KCNMA1: variants seen among roughly 807,000 people sequenced by gnomAD.
KCNMA1 encodes Calcium-activated potassium channel subunit alpha-1.
A neutral mutation model predicts 140.0 loss-of-function variants in KCNMA1; 29 were observed. That is an observed-to-expected ratio of 0.21 (90% CI 0.15 to 0.28). The LOEUF (loss-of-function observed/expected upper bound fraction) is 0.28. Among genes scored for constraint, KCNMA1 ranks in the 10% least tolerant of loss-of-function variants. The pLI, the probability that KCNMA1 is intolerant of heterozygous loss-of-function variation, is 1.00. For synonymous variants in KCNMA1, 612 were observed against 611.9 expected, an observed-to-expected ratio of 1.00 and a Z score of 0.00; for missense variants, 880 against 1,602.2, an observed-to-expected ratio of 0.55 and a Z score of 7.70.
intron 19 of KCNMA1, among the ~76,000 whole-genome samples, chr10:76,973,725 TG>T (rs1244857481): frequency 6.6e-6 from 1 of 152,220 alleles, no homozygotes; most frequent in African/African-American, 2.4e-5. Flanking sequence ...GCCAGAACTC[TG>T]GGCTTACTTC....
At chr10:77,623,188 C>T (rs1444617925) in intron 1 of KCNMA1, among the ~76,000 whole-genome samples, 1 of 152,156 alleles carries the variant, frequency 6.6e-6, no homozygotes, top group Non-Finnish European at 1.5e-5. Flanking sequence ...AGTTTCCATG[C>T]AACTTAGGAG....
intron 3 of KCNMA1, among the ~76,000 whole-genome samples, chr10:77,198,612 A>C (rs899066846): frequency 2.1e-5 from 3 of 145,152 alleles, no homozygotes; most frequent in African/African-American, 7.5e-5. Context: ...CATTTCTCTT[A>C]AAGGAGTAAT....
At chr10:76,891,429 G>A (rs1834587469) in intron 26 of KCNMA1, 96 bp downstream of exon 26, 5 of 917,792 alleles carry the variant, frequency 5.4e-6, no homozygotes, top group Non-Finnish European at 6.9e-6. Flanking sequence ...AAGGAGAAAA[G>A]CCAGATGCCT....
chr10:77,000,041 G>T (rs1565456446), intron 19 of KCNMA1, among the ~76,000 whole-genome samples: 1 of 152,150 alleles, frequency 6.6e-6, no homozygotes, highest in Admixed American at 6.5e-5. Context: ...ACCAGCACAG[G>T]GGAGTCAAGC....
At chr10:76,932,590 C>T (rs1448022455) in intron 23 of KCNMA1, among the ~76,000 whole-genome samples, 3 of 152,042 alleles carry the variant, frequency 2.0e-5, no homozygotes, top group South Asian at 2.1e-4. Context: ...ACTGATCCCT[C>T]GGTGTTTTGG....
At chr10:77,238,271 T>C (rs1008941915) in intron 3 of KCNMA1, among the ~76,000 whole-genome samples, 9 of 152,158 alleles carry the variant, frequency 5.9e-5, no homozygotes, top group Non-Finnish European at 8.8e-5. Context: ...TGGCAGCTTT[T>C]GCATCTGTTT....
At chr10:77,126,686 G>C (rs183276558) in intron 5 of KCNMA1, among the ~76,000 whole-genome samples, 1 of 151,658 alleles carries the variant, frequency 6.6e-6, no homozygotes. Flanking sequence ...CTCACCTGGG[G>C]CTACATCCCC....
intron 1 of KCNMA1, among the ~76,000 whole-genome samples, chr10:77,440,092 A>G (rs2097363772): frequency 6.6e-6 from 1 of 152,178 alleles, no homozygotes; most frequent in Non-Finnish European, 1.5e-5. Context: ...TGTGACCTTA[A>G]GAAACCTTCC....
At chr10:77,267,974 C>A (rs1407873500) in intron 2 of KCNMA1, among the ~76,000 whole-genome samples, 1 of 152,112 alleles carries the variant, frequency 6.6e-6, no homozygotes, top group Non-Finnish European at 1.5e-5. Context: ...GACAGTAGAC[C>A]CTGCCAAGTG....
At chr10:77,231,877 ACAAT>A (rs1448458928) in intron 3 of KCNMA1, among the ~76,000 whole-genome samples, 3 of 152,210 alleles carry the variant, frequency 2.0e-5, no homozygotes, top group Non-Finnish European at 4.4e-5. Context: ...ATTCAATGGG[ACAAT>A]CAATTTTAAA....
At chr10:77,232,759 C>T (rs561656532) in intron 3 of KCNMA1, among the ~76,000 whole-genome samples, 6 of 152,216 alleles carry the variant, frequency 3.9e-5, no homozygotes, top group South Asian at 2.1e-4. Context: ...AGGTCTACCC[C>T]GTCTTCTCTC....
chr10:77,349,126 C>T (rs1271768287), intron 2 of KCNMA1, among the ~76,000 whole-genome samples: 2 of 152,200 alleles, frequency 1.3e-5, no homozygotes, highest in Non-Finnish European at 2.9e-5. Context: ...TACGTTGAAA[C>T]CTCATCACCA....
chr10:77,552,983 A>G (rs1362395746), intron 1 of KCNMA1, among the ~76,000 whole-genome samples: 1 of 149,600 alleles, frequency 6.7e-6, no homozygotes, highest in Non-Finnish European at 1.5e-5. Flanking sequence ...CAGGAGGTGG[A>G]GGTTGCAGTG....
chr10:76,993,179 G>C (rs1438015088), intron 19 of KCNMA1, among the ~76,000 whole-genome samples: 1 of 152,196 alleles, frequency 6.6e-6, no homozygotes, highest in Non-Finnish European at 1.5e-5. Context: ...GGTGAGAGCT[G>C]CCTGCCTGTC....
chr10:77,449,874 C>T (rs1201452108), intron 1 of KCNMA1, among the ~76,000 whole-genome samples: 2 of 152,130 alleles, frequency 1.3e-5, no homozygotes, highest in African/African-American at 4.8e-5. Flanking sequence ...GATCTCCTGA[C>T]CTCATGATCC....
chr10:77,082,007 CTTTTTTTTTTTTTTTTT>C (rs201288668), intron 12 of KCNMA1, among the ~76,000 whole-genome samples: 9 of 32,514 alleles, frequency 2.8e-4, no homozygotes, highest in African/African-American at 1.1e-3. Flanking sequence ...TTTTTCTTTT[CTTTTTTTTTTTTTTTTT>C]TTTTTTTTTT....
intron 2 of KCNMA1, among the ~76,000 whole-genome samples, chr10:77,394,296 G>A (rs2154447289): frequency 6.6e-6 from 1 of 152,314 alleles, no homozygotes; most frequent in East Asian, 1.9e-4. Flanking sequence ...GCCCTGGGGA[G>A]GGCAGAGGAG....
chr10:76,940,994 A>AGAGAAAGGAAGGAAGG (rs1565056414), intron 23 of KCNMA1, among the ~76,000 whole-genome samples: 1 of 52,246 alleles, frequency 1.9e-5, no homozygotes, highest in African/African-American at 7.6e-5. Context: ...AGAAAGAGAG[A>AGAGAAAGGAAGGAAGG]AAGAAAGGAA....
intron 9 of KCNMA1, among the ~76,000 whole-genome samples, chr10:77,107,600 C>T (rs2097221644): frequency 6.6e-6 from 1 of 152,182 alleles, no homozygotes; most frequent in Non-Finnish European, 1.5e-5. Context: ...ATTGAACCTG[C>T]ACATTGATAT....
Sources: allele counts gnomAD v4.1 joint callset (sites outside exome capture counted in the v4.1 genomes callset), GRCh38; gene constraint gnomAD v4.1.1; transcripts MANE v1.5; gene names NCBI Gene and HGNC (gene_info 2026-07-23, HGNC 2026-07-21).